SFMBT1: variants seen among roughly 807,000 people sequenced by gnomAD.
SFMBT1 encodes the protein scm-like with four MBT domains protein 1.
Under a neutral mutation model 108.7 loss-of-function variants are expected in SFMBT1, and 32 were observed. The ratio of observed to expected loss-of-function variants is 0.29; its 90% CI spans 0.22 to 0.40. The LOEUF is 0.40. Among genes scored for constraint, SFMBT1 ranks in the 10% least tolerant of loss-of-function variants. The pLI is 1.00. For synonymous variants in SFMBT1, 348 were observed against 369.5 expected (o/e 0.94, Z 0.67); for missense variants, 816 against 1,059.6 (o/e 0.77, Z 3.19).
chr3:53,013,577 A>C (rs1699024645), intron 1 of SFMBT1, among the ~76,000 whole-genome samples: 1 of 138,588 alleles, frequency 7.2e-6, no homozygotes, highest in Non-Finnish European at 1.5e-5. Context: ...AGTAAATTTA[A>C]TTACTTCAAG....
intron 11 of SFMBT1, 124 bp from the exon 12 acceptor site, chr3:52,920,774 T>C: frequency 3.3e-6 from 2 of 609,544 alleles, no homozygotes; most frequent in Non-Finnish European, 5.7e-6. Context: ...GACACAAGTC[T>C]CTTGACACAG....
intron 1 of SFMBT1, among the ~76,000 whole-genome samples, chr3:53,029,300 C>T (rs1699604107): frequency 6.6e-6 from 1 of 151,484 alleles, no homozygotes; most frequent in Non-Finnish European, 1.5e-5. Flanking sequence ...GTATGCAGAG[C>T]GTTATTGAAG....
At chr3:52,928,616 A>G (rs1257633172) in intron 8 of SFMBT1, 2 of 43,580 alleles carry the variant, frequency 4.6e-5, no homozygotes, top group Non-Finnish European at 1.2e-4. Flanking sequence ...ATACATATAT[A>G]TACATATATA....
At chr3:53,006,892 G>C (rs773702051) in intron 1 of SFMBT1, among the ~76,000 whole-genome samples, 21 of 152,294 alleles carry the variant, frequency 1.4e-4, no homozygotes, top group Non-Finnish European at 2.5e-4. Flanking sequence ...AGGAATTGCT[G>C]CTCCGGGCAG....
chr3:53,041,732 T>G (rs1236921445), intron 1 of SFMBT1, among the ~76,000 whole-genome samples: 1 of 98,224 alleles, frequency 1.0e-5, no homozygotes, highest in Admixed American at 1.0e-4. Context: ...AAAAAAAAAA[T>G]TCTTTTCCAA....
At chr3:52,920,678 C>T (rs759462170) in intron 11 of SFMBT1, 28 bp from the exon 12 acceptor site, 1 of 1,387,754 alleles carries the variant, frequency 7.2e-7, no homozygotes, top group South Asian at 1.2e-5. Context: ...AACAAACAAA[C>T]AAACAAACAA....
At chr3:52,957,440 C>T (rs984272044) in intron 2 of SFMBT1, among the ~76,000 whole-genome samples, 1 of 152,126 alleles carries the variant, frequency 6.6e-6, no homozygotes, top group South Asian at 2.1e-4. Context: ...CATTAAACTA[C>T]CACTGACATT....
At chr3:52,974,833 TAAAAAAA>T (rs10646648) in intron 1 of SFMBT1, among the ~76,000 whole-genome samples, 14 of 90,684 alleles carry the variant, frequency 1.5e-4, no homozygotes, top group South Asian at 3.8e-4. Flanking sequence ...CTATAAAAAG[TAAAAAAA>T]AAAAAAAAAA....
chr3:53,035,723 A>G (rs1013357888), intron 1 of SFMBT1, among the ~76,000 whole-genome samples: 1 of 152,148 alleles, frequency 6.6e-6, no homozygotes, highest in Non-Finnish European at 1.5e-5. Context: ...CAGCCTCCCC[A>G]GTAGCTGGGA....
At chr3:52,956,112 T>C (rs1320643780) in intron 2 of SFMBT1, among the ~76,000 whole-genome samples, 1 of 152,170 alleles carries the variant, frequency 6.6e-6, no homozygotes, top group Non-Finnish European at 1.5e-5. Context: ...AACCACATGA[T>C]TATCTCAAAA....
At chr3:52,967,412 T>A (rs1704184021) in intron 2 of SFMBT1, among the ~76,000 whole-genome samples, 1 of 151,944 alleles carries the variant, frequency 6.6e-6, no homozygotes, top group East Asian at 1.9e-4. Flanking sequence ...GATGTCAGAG[T>A]CTGGGTGGAA....
chr3:52,913,701 G>T, intron 14 of SFMBT1, 84 bp from the exon 15 acceptor site: 2 of 1,409,884 alleles, frequency 1.4e-6, no homozygotes. Flanking sequence ...GAAGAAAAAC[G>T]AAGCACATGT....
chr3:52,947,319 G>A (rs1485479239), intron 3 of SFMBT1, among the ~76,000 whole-genome samples: 2 of 150,622 alleles, frequency 1.3e-5, no homozygotes, highest in South Asian at 2.1e-4. Flanking sequence ...GGGTTTCACC[G>A]TGTTGGCCAG....
chr3:52,947,724 C>T (rs1284814087), intron 3 of SFMBT1, among the ~76,000 whole-genome samples: 2 of 150,972 alleles, frequency 1.3e-5, no homozygotes, highest in Non-Finnish European at 3.0e-5. Context: ...TAGTGATTTT[C>T]TATATATGTA....
At chr3:52,990,741 C>T (rs923719507) in intron 1 of SFMBT1, among the ~76,000 whole-genome samples, 1 of 152,122 alleles carries the variant, frequency 6.6e-6, no homozygotes, top group Non-Finnish European at 1.5e-5. Flanking sequence ...GTTTTCTCAA[C>T]TTTAACAAAT....
chr3:53,037,603 CAAT>C (rs1335838354), intron 1 of SFMBT1, among the ~76,000 whole-genome samples: 2 of 152,204 alleles, frequency 1.3e-5, no homozygotes, highest in Non-Finnish European at 1.5e-5. Context: ...CCTATAACAA[CAAT>C]AATACACCCG....
At chr3:53,028,850 G>A (rs1699582818) in intron 1 of SFMBT1, among the ~76,000 whole-genome samples, 1 of 152,134 alleles carries the variant, frequency 6.6e-6, no homozygotes, top group Non-Finnish European at 1.5e-5. Context: ...CACTGGCTTG[G>A]TGTGAACACT....
intron 1 of SFMBT1, among the ~76,000 whole-genome samples, chr3:53,037,993 C>G (rs1357899860): frequency 6.6e-6 from 1 of 152,138 alleles, no homozygotes; most frequent in Non-Finnish European, 1.5e-5. Flanking sequence ...CACCTGTAAT[C>G]CCAGCTACTC....
intron 5 of SFMBT1, 70 bp downstream of exon 5, chr3:52,934,743 A>T: frequency 2.3e-6 from 3 of 1,312,352 alleles, no homozygotes; most frequent in Non-Finnish European, 2.1e-6. Flanking sequence ...GTAAATAAGC[A>T]ACCGATTTTA....
Sources: gnomAD v4.1 joint callset for allele counts (sites outside exome capture counted in the v4.1 genomes callset) on GRCh38, gnomAD v4.1.1 for gene constraint, MANE v1.5 for transcripts, NCBI Gene and HGNC (gene_info 2026-07-23, HGNC 2026-07-21) for gene names.